NBAS: variants seen among roughly 807,000 people sequenced by gnomAD.
The protein encoded by NBAS is NAG/BC035112 fusion.
In NBAS, 219 loss-of-function variants were observed where a neutral mutation model predicts 302.5. The ratio of observed to expected loss-of-function variants is 0.72; its 90% CI spans 0.65 to 0.81. NBAS has a LOEUF of 0.81. Among genes scored for constraint, NBAS ranks in the 30% least tolerant of loss-of-function variants. The pLI, the probability that NBAS is intolerant of heterozygous loss-of-function variation, is 0.00. For missense variants in NBAS, 2,932 were observed against 2,841.6 expected, an observed-to-expected ratio of 1.03 and a Z score of -0.72; for synonymous variants, 1,118 against 1,021.6, an observed-to-expected ratio of 1.09 and a Z score of -1.80.
chr2:15,497,452 G>A (rs1681112518), intron 11 of NBAS, among the ~76,000 whole-genome samples: 1 of 152,136 alleles, frequency 6.6e-6, no homozygotes, highest in African/African-American at 2.4e-5. Context: ...GATTAGATGG[G>A]GGGATGAAGG....
chr2:15,410,288 TC>T lies in NBAS; in HGVS notation c.2937+5257del, dbSNP rs568411766. On this transcript the variant is annotated intron_variant, in intron 25 of 51. Coordinates refer to ENST00000281513, the MANE Select transcript of NBAS (RefSeq NM_015909.4). ...TGTAGAAAGTTTGTGAATTCTATCA[TC>T]TGGTGATTTTGATTAAGAGAAACTA... Among the ~76,000 whole-genome samples, 818 of 152,332 alleles carry T rather than the reference TC, an allele frequency of 5.4e-3. 7 individuals are homozygous for T. Among genetic ancestry groups the T allele is most frequent in the Middle Eastern group, 0.01 (3 of 294 alleles).
the NBAS span, among the ~76,000 whole-genome samples, chr2:15,086,053 C>A: frequency 2.0e-5 from 3 of 152,104 alleles, no homozygotes; most frequent in Admixed American, 1.3e-4. Flanking sequence ...GGGCCTGAAA[C>A]CTGGGGGACA....
the NBAS span, among the ~76,000 whole-genome samples, chr2:15,005,861 A>G: frequency 4.6e-5 from 7 of 152,244 alleles, no homozygotes; most frequent in African/African-American, 1.4e-4. Flanking sequence ...GAAACTTACT[A>G]TACTTCTGTA....
rs67488599 is a variant in NBAS, at chr2:15,516,722, CA to C, written c.747-5373del. On this transcript the variant is annotated intron_variant, in intron 9 of 51. Coordinates refer to ENST00000281513, the MANE Select transcript of NBAS (RefSeq NM_015909.4). ...TGGGCTACAGAGTGAGACTCCATTT[CA>C]AAAAAAAAAAAAAAAAAAAAGACTG... Among the ~76,000 whole-genome samples, 43 of 136,064 alleles carry C rather than the reference CA, an allele frequency of 3.2e-4. 1 individual carries two copies. The highest frequency in any genetic ancestry group is 1.2e-3 in the South Asian group (5 of 4,110). The allele number at this position is 136,064 out of a possible 152,430, so 89.3% of individuals were successfully genotyped here. A position where few individuals can be genotyped will look rare whatever the true frequency, so the allele number is the denominator to read the frequency against.
intron 42 of NBAS, among the ~76,000 whole-genome samples, chr2:15,280,891 G>A (rs12474303): frequency 0.2 from 30,836 of 152,130 alleles, 3,903 homozygotes; most frequent in East Asian, 0.55. Flanking sequence ...AATGCCTCAG[G>A]ATGACCTTGA....
intron 24 of NBAS, among the ~76,000 whole-genome samples, chr2:15,416,973 G>C (rs1248655300): frequency 6.6e-6 from 1 of 152,140 alleles, no homozygotes; most frequent in Non-Finnish European, 1.5e-5. Flanking sequence ...CAAAAGACTA[G>C]AAAGAGCGTT....
the NBAS span, among the ~76,000 whole-genome samples, chr2:14,823,338 T>C: frequency 6.6e-6 from 1 of 152,232 alleles, no homozygotes; most frequent in Non-Finnish European, 1.5e-5. Flanking sequence ...GAAATTGTTT[T>C]ACTTGACTGA....
chr2:15,160,498 T>A, the NBAS span, among the ~76,000 whole-genome samples: 1 of 149,876 alleles, frequency 6.7e-6, no homozygotes, highest in African/African-American at 2.5e-5. Context: ...CTAAAGCTGC[T>A]GCACCAGGAA....
intron 21 of NBAS, among the ~76,000 whole-genome samples, chr2:15,451,623 A>G (rs1043820283): frequency 3.9e-5 from 6 of 152,192 alleles, no homozygotes; most frequent in Non-Finnish European, 8.8e-5. Context: ...AATTTGTTCT[A>G]CTGGAAATTT....
the NBAS span, among the ~76,000 whole-genome samples, chr2:14,894,287 G>A: frequency 6.6e-6 from 1 of 152,140 alleles, no homozygotes; most frequent in African/African-American, 2.4e-5. Context: ...GAGGCTTCCC[G>A]ATGATTGGAA....
At chr2:15,394,380 T>C (rs765624805) in intron 27 of NBAS, 31 bp from the exon 28 acceptor site, 2 of 1,609,682 alleles carry the variant, frequency 1.2e-6, no homozygotes, top group Non-Finnish European at 1.7e-6. Context: ...ATTTAATGTC[T>C]TGCTACCAAA....
the NBAS span, among the ~76,000 whole-genome samples, chr2:15,064,922 G>T: frequency 6.6e-6 from 1 of 152,140 alleles, no homozygotes; most frequent in Admixed American, 6.5e-5. Context: ...TCCCTGGCAT[G>T]CAAGAATGGC....
chr2:15,064,212 T>C, the NBAS span, among the ~76,000 whole-genome samples: 32 of 140,806 alleles, frequency 2.3e-4, no homozygotes, highest in African/African-American at 4.4e-4. Context: ...AGAAAAACAA[T>C]AGAAAAAATT....
the NBAS span, among the ~76,000 whole-genome samples, chr2:14,854,434 A>G: frequency 6.6e-6 from 1 of 151,938 alleles, no homozygotes; most frequent in Non-Finnish European, 1.5e-5. Flanking sequence ...CTTAACAACC[A>G]TCTACACAGA....
intron 38 of NBAS, among the ~76,000 whole-genome samples, chr2:15,319,836 T>C (rs1440572620): frequency 6.6e-6 from 1 of 152,106 alleles, no homozygotes; most frequent in Non-Finnish European, 1.5e-5. Context: ...CTGGTACCAT[T>C]CCTTCTGAAA....
chr2:15,306,822 A>C (rs976633801), intron 40 of NBAS, among the ~76,000 whole-genome samples: 2 of 150,028 alleles, frequency 1.3e-5, no homozygotes, highest in Admixed American at 6.6e-5. Context: ...ATTGTTGTAC[A>C]ATTCATTGGT....
chr2:15,334,479 C>A (rs553944132), intron 35 of NBAS, among the ~76,000 whole-genome samples: 1 of 152,276 alleles, frequency 6.6e-6, no homozygotes, highest in East Asian at 1.9e-4. Flanking sequence ...TCAGCCACCA[C>A]GCCTCTCTTC....
chr2:15,180,405 G>A (rs1188286013), intron 50 of NBAS: 1 of 152,210 alleles, frequency 6.6e-6, no homozygotes, highest in Non-Finnish European at 1.5e-5. Context: ...AAAGTACGGT[G>A]TATGCCTGAA....
the NBAS span, among the ~76,000 whole-genome samples, chr2:15,052,786 C>T: frequency 6.6e-6 from 1 of 152,136 alleles, no homozygotes; most frequent in Non-Finnish European, 1.5e-5. Flanking sequence ...ACAATGTTAA[C>T]ACTTAATAGC....
Sources: gnomAD v4.1 joint callset for allele counts (sites outside exome capture counted in the v4.1 genomes callset) on GRCh38, gnomAD v4.1.1 for gene constraint, MANE v1.5 for transcripts, NCBI Gene and HGNC (gene_info 2026-07-23, HGNC 2026-07-21) for gene names.